KCNG2: variants seen among roughly 807,000 people sequenced by gnomAD.
KCNG2 encodes voltage-gated potassium channel regulatory subunit KCNG2.
Under a neutral mutation model 12.3 loss-of-function variants are expected in KCNG2, and 7 were observed. That is an observed-to-expected ratio of 0.57 (90% CI 0.32 to 1.07). The LOEUF is 1.07. Ranked by LOEUF, KCNG2 falls within the 50% of genes least tolerant of loss-of-function variation. The probability of loss-of-function intolerance (pLI) is 0.04; values close to 1 mark genes in which losing one functional copy is unlikely to be tolerated. For synonymous variants in KCNG2, 414 were observed against 351.4 expected, an observed-to-expected ratio of 1.18 and a Z score of -1.99; for missense variants, 703 against 726.0, an observed-to-expected ratio of 0.97 and a Z score of 0.36.
intron 3 of KCNG2, among the ~76,000 whole-genome samples, chr18:79,880,442 A>G (rs2123108647): frequency 6.6e-6 from 1 of 152,326 alleles, no homozygotes; most frequent in Non-Finnish European, 1.5e-5. Context: ...TGGTAATTAA[A>G]AAAATTAAAT....
intron 3 of KCNG2, 132 bp downstream of exon 3, chr18:79,864,423 G>C (rs1979374147): frequency 1.7e-6 from 1 of 592,428 alleles, no homozygotes; most frequent in African/African-American, 2.1e-5. Context: ...GCTGGGGGCT[G>C]CCGGGACTGG....
intron 1 of KCNG2, among the ~76,000 whole-genome samples, chr18:79,828,413 T>C (rs1978287804): frequency 6.6e-6 from 1 of 151,442 alleles, no homozygotes; most frequent in African/African-American, 2.4e-5. Flanking sequence ...TATCAGTGTG[T>C]GCATGTTTGG....
At chr18:79,868,265 C>T (rs1420841010) in intron 3 of KCNG2, among the ~76,000 whole-genome samples, 2 of 152,238 alleles carry the variant, frequency 1.3e-5, no homozygotes, top group African/African-American at 4.8e-5. Context: ...GCCCTTCACA[C>T]TCCTGGCACG....
At chr18:79,819,264 G>A (rs1195956062) in intron 1 of KCNG2, among the ~76,000 whole-genome samples, 1 of 152,198 alleles carries the variant, frequency 6.6e-6, no homozygotes, top group South Asian at 2.1e-4. Context: ...TGCAGCCCAG[G>A]ACACCACGGA....
At chr18:79,829,322 G>A (rs544122028) in intron 1 of KCNG2, among the ~76,000 whole-genome samples, 1 of 152,070 alleles carries the variant, frequency 6.6e-6, no homozygotes, top group South Asian at 2.1e-4. Flanking sequence ...GTGTGTACAT[G>A]TGTCTGTGTG....
intron 3 of KCNG2, among the ~76,000 whole-genome samples, chr18:79,870,498 C>T (rs1313000953): frequency 2.6e-5 from 4 of 152,116 alleles, no homozygotes; most frequent in African/African-American, 7.2e-5. Flanking sequence ...GCTCCCTCTG[C>T]GCTGGGCGGC....
In KCNG2 at chr18:79,800,318, GA is replaced by G. The variant is rs2087398460; in HGVS notation, c.-115+2305del. Among the ~76,000 whole-genome samples, 1 of 152,088 alleles carries G rather than the reference GA, an allele frequency of 6.6e-6. No homozygotes were observed. Among genetic ancestry groups the G allele is most frequent in the Admixed American group, 6.5e-5 (1 of 15,282 alleles). ...GATGGGTAATTTTGTAATGAATGGG[GA>G]TATCTTAGGGCTAACGCTTGGTCAG... On this transcript the variant is annotated intron_variant, in intron 1 of 3. Coordinates refer to ENST00000316249, the MANE Select transcript of KCNG2 (RefSeq NM_012283.2). This position sits in a 1 kb window ranked among gnomAD's most constrained non-coding sequence, Gnocchi z 4.0.
intron 3 of KCNG2, among the ~76,000 whole-genome samples, chr18:79,875,552 C>A (rs553615692): frequency 6.6e-6 from 1 of 152,200 alleles, no homozygotes; most frequent in Admixed American, 6.5e-5. Context: ...TGGGGTCGGC[C>A]GTGACCCTGA....
At chr18:79,893,559 C>T (rs146248084) in intron 3 of KCNG2, among the ~76,000 whole-genome samples, 18 of 149,878 alleles carry the variant, frequency 1.2e-4, no homozygotes, top group African/African-American at 1.2e-4. Flanking sequence ...GCTGGGTCTG[C>T]GTCTCCTTTG....
intron 1 of KCNG2, among the ~76,000 whole-genome samples, chr18:79,818,943 G>A (rs926090501): frequency 2.0e-5 from 3 of 152,214 alleles, no homozygotes; most frequent in African/African-American, 7.2e-5. Context: ...GCGGCCATTG[G>A]TGACTAATGT....
At chr18:79,854,056 T>C (rs1978920099) in intron 1 of KCNG2, among the ~76,000 whole-genome samples, 1 of 152,228 alleles carries the variant, frequency 6.6e-6, no homozygotes, top group African/African-American at 2.4e-5. Context: ...TCCAACCCCG[T>C]TCTGCAGGCG....
At chr18:79,828,931 C>T (rs569203345) in intron 1 of KCNG2, among the ~76,000 whole-genome samples, 10 of 120,086 alleles carry the variant, frequency 8.3e-5, no homozygotes, top group East Asian at 2.6e-4. Context: ...TCTATGTGTG[C>T]GTGTGTGTAA....
chr18:79,892,256 TTA>T (rs1335039490), intron 3 of KCNG2, among the ~76,000 whole-genome samples: 1 of 152,258 alleles, frequency 6.6e-6, no homozygotes, highest in African/African-American at 2.4e-5. Flanking sequence ...ATTTTACTTG[TTA>T]TATCTTCTTG....
chr18:79,818,783 C>G (rs1176566859), intron 1 of KCNG2, among the ~76,000 whole-genome samples: 1 of 152,204 alleles, frequency 6.6e-6, no homozygotes, highest in Non-Finnish European at 1.5e-5. Context: ...CAGCAGGGTG[C>G]TCCGTGGGGG....
intron 1 of KCNG2, among the ~76,000 whole-genome samples, chr18:79,855,344 T>C (rs1978973110): frequency 6.6e-6 from 1 of 152,180 alleles, no homozygotes; most frequent in African/African-American, 2.4e-5. Context: ...TGGCAGTGTC[T>C]CTGGTTTCTA....
At chr18:79,828,168 G>A (rs1439930681) in intron 1 of KCNG2, among the ~76,000 whole-genome samples, 2 of 152,112 alleles carry the variant, frequency 1.3e-5, no homozygotes, top group Non-Finnish European at 2.9e-5. Flanking sequence ...CAGGTGATCC[G>A]CCCACCTCGG....
chr18:79,849,264 G>A (rs1372477036), intron 1 of KCNG2, among the ~76,000 whole-genome samples: 2 of 152,164 alleles, frequency 1.3e-5, no homozygotes, highest in African/African-American at 2.4e-5. Flanking sequence ...TCCTTTATTC[G>A]GAATTCTAAT....
At chr18:79,856,331 C>G (rs1014796752) in intron 1 of KCNG2, among the ~76,000 whole-genome samples, 48 bp from the exon 2 acceptor site, 6 of 152,188 alleles carry the variant, frequency 3.9e-5, no homozygotes, top group Non-Finnish European at 8.8e-5. Context: ...AGTAATAACG[C>G]AGGTGACTCT....
intron 3 of KCNG2, among the ~76,000 whole-genome samples, chr18:79,889,274 CA>C (rs1267636349): frequency 6.6e-6 from 1 of 152,198 alleles, no homozygotes; most frequent in Non-Finnish European, 1.5e-5. Flanking sequence ...GTAACTTTAG[CA>C]CCCACATTTT....
Sources: allele counts gnomAD v4.1 joint callset (sites outside exome capture counted in the v4.1 genomes callset), GRCh38; gene constraint gnomAD v4.1.1; non-coding constraint Gnocchi (gnomAD v3.1); transcripts MANE v1.5; gene names NCBI Gene and HGNC (gene_info 2026-07-23, HGNC 2026-07-21).